Variants in LAMA2 observed in about 807,000 individuals in gnomAD.
LAMA2 encodes laminin subunit alpha 2.
LAMA2 carries 269 observed loss-of-function variants against 364.8 expected under a neutral mutation model. That is an observed-to-expected ratio of 0.74 (90% confidence interval 0.67 to 0.82). The LOEUF (loss-of-function observed/expected upper bound fraction) is 0.82, where lower values mean the gene tolerates loss of function less well. Among genes scored for constraint, LAMA2 ranks in the 40% least tolerant of loss-of-function variants. The pLI is 0.00. For synonymous variants in LAMA2, 1,379 were observed against 1,370.6 expected, an observed-to-expected ratio of 1.01 and a Z score of -0.14; for missense variants, 3,807 against 3,873.2, an observed-to-expected ratio of 0.98 and a Z score of 0.45.
chr6:129,164,938 GC>G (rs1355737841), intron 8 of LAMA2, among the ~76,000 whole-genome samples: 2 of 152,102 alleles, frequency 1.3e-5, no homozygotes, highest in African/African-American at 4.8e-5. Flanking sequence ...TATAAAATAT[GC>G]CTTACCTATT....
chr6:128,946,452 C>T (rs2114556211), intron 1 of LAMA2, among the ~76,000 whole-genome samples: 1 of 152,284 alleles, frequency 6.6e-6, no homozygotes, highest in African/African-American at 2.4e-5. Context: ...CCCAGCATCA[C>T]AGAGAGAAAT....
chr6:129,014,806 A>G (rs1784975624), intron 1 of LAMA2, among the ~76,000 whole-genome samples: 2 of 152,146 alleles, frequency 1.3e-5, no homozygotes, highest in South Asian at 4.1e-4. Context: ...TGAACCTATC[A>G]TCTTTAAAAC....
chr6:129,161,795 C>T (rs779094494), intron 8 of LAMA2, among the ~76,000 whole-genome samples: 7 of 152,122 alleles, frequency 4.6e-5, no homozygotes, highest in Non-Finnish European at 1.0e-4. Flanking sequence ...GGATAATGGC[C>T]TTCTGCTCCA....
In LAMA2 at chr6:128,971,283, A is replaced by G. The variant is rs117265411; in HGVS notation, c.113-78635A>G. ...TTTTAGCAAGTAATGAACGTTCTTA[A>G]GTGCCTAGTGTTGTCATAGGTATAA... On this transcript the variant is annotated intron_variant, in intron 1 of 64. Transcript: ENST00000421865. 5.3e-4 allele frequency among the ~76,000 whole-genome samples: 81 copies of G among 152,356 alleles called. No individual in the cohort carries two copies. The East Asian group carries it at 0.012, about 23-fold the overall frequency.
In LAMA2 at chr6:129,143,976, CG is replaced by C; in HGVS notation, c.716del (p.Arg239ProfsTer5). The C allele has an allele frequency of 6.2e-7, 1 of 1,612,160 alleles. No individual in the cohort carries two copies. Among genetic ancestry groups the C allele is most frequent in the South Asian group, 1.1e-5 (1 of 91,036 alleles). ...AGAACTGCTAGAATTTACCTCCGCT[CG>C]CTATATTCGCCTGAGATTTCAGAGG... ...SPELLEFTSA[R>X]YIRLRFQRIR... On this transcript the variant is annotated frameshift_variant, in exon 5 of 65. Coordinates refer to ENST00000421865, the MANE Select transcript of LAMA2 (RefSeq NM_000426.4). LOFTEE classifies it high-confidence loss of function.
chr6:129,397,760 A>T (rs1779733132), intron 37 of LAMA2, among the ~76,000 whole-genome samples: 1 of 151,580 alleles, frequency 6.6e-6, no homozygotes, highest in Non-Finnish European at 1.5e-5. Flanking sequence ...CTGAAAATGA[A>T]AATTAAAAAA....
At chr6:129,266,743 C>A (rs571205562) in intron 15 of LAMA2, among the ~76,000 whole-genome samples, 1 of 152,216 alleles carries the variant, frequency 6.6e-6, no homozygotes, top group South Asian at 2.1e-4. Flanking sequence ...TATGATGAGT[C>A]CTTTTATATC....
At chr6:129,262,408 G>T (rs1787196491) in intron 15 of LAMA2, among the ~76,000 whole-genome samples, 2 of 151,994 alleles carry the variant, frequency 1.3e-5, no homozygotes, top group African/African-American at 4.8e-5. Context: ...AGTGGAGAGA[G>T]ATGCAAAGTG....
intron 1 of LAMA2, among the ~76,000 whole-genome samples, chr6:129,046,972 G>A (rs1787559349): frequency 6.6e-6 from 1 of 152,074 alleles, no homozygotes; most frequent in South Asian, 2.1e-4. Flanking sequence ...TTTGATGAAG[G>A]AATAGTTGTA....
intron 40 of LAMA2, among the ~76,000 whole-genome samples, chr6:129,418,583 G>C (rs374248889): frequency 6.6e-6 from 1 of 152,152 alleles, no homozygotes; most frequent in South Asian, 2.1e-4. Flanking sequence ...ATCAGTGAAC[G>C]TGATGTCATA....
At chr6:129,118,929 A>T (rs1776636971) in intron 4 of LAMA2, among the ~76,000 whole-genome samples, 1 of 152,238 alleles carries the variant, frequency 6.6e-6, no homozygotes, top group Admixed American at 6.5e-5. Context: ...GGAAAATAGC[A>T]GTATAGCATA....
intron 15 of LAMA2, among the ~76,000 whole-genome samples, chr6:129,264,638 A>T (rs1787374407): frequency 6.6e-6 from 1 of 152,170 alleles, no homozygotes; most frequent in African/African-American, 2.4e-5. Flanking sequence ...CCTGACGTTA[A>T]GAAGCAGGGT....
intron 1 of LAMA2, among the ~76,000 whole-genome samples, chr6:129,011,165 C>T (rs1784747854): frequency 6.6e-6 from 1 of 152,116 alleles, no homozygotes; most frequent in East Asian, 1.9e-4. Context: ...ATATGTCACC[C>T]TGCTCATTTC....
chr6:129,109,905 T>G (rs1359936245), intron 4 of LAMA2, among the ~76,000 whole-genome samples: 4 of 152,062 alleles, frequency 2.6e-5, no homozygotes, highest in African/African-American at 9.7e-5. Flanking sequence ...CAGCCCTCTA[T>G]CCCATTCAAT....
In LAMA2 at chr6:129,312,753, T is replaced by C. The variant is rs111690750; in HGVS notation, c.3175-108T>C. The C allele has an allele frequency of 6.7e-5, 53 of 793,896 alleles. 1 individual carries two copies. Among genetic ancestry groups the C allele is most frequent in the African/African-American group, 5.8e-4 (34 of 58,698 alleles). The allele number at this position is 793,896 out of a possible 1,614,324, so 49.2% of individuals were successfully genotyped here. A position where few individuals can be genotyped will look rare whatever the true frequency, so the allele number is the denominator to read the frequency against. ...AGAATAGTACAAAGCCTATAACAGATACATGATTAATATGTGTTTAATGGA... is the reference window on the plus strand; with the variant it reads ...AGAATAGTACAAAGCCTATAACAGACACATGATTAATATGTGTTTAATGGA... On this transcript the variant is annotated intron_variant, in intron 22 of 64. Transcript: ENST00000421865.
chr6:129,230,769 G>T (rs891468878), intron 12 of LAMA2, among the ~76,000 whole-genome samples: 1 of 152,066 alleles, frequency 6.6e-6, no homozygotes, highest in Admixed American at 6.6e-5. Flanking sequence ...ATAGAGGTTA[G>T]ATTTAACTGA....
At chr6:128,905,590 CT>C (rs1777393213) in intron 1 of LAMA2, 1 of 151,396 alleles carries the variant, frequency 6.6e-6, no homozygotes, top group African/African-American at 2.4e-5. Flanking sequence ...GGTATAATTT[CT>C]TTTTTGTTTG....
At chr6:129,420,788 G>A (rs1358454746) in intron 40 of LAMA2, among the ~76,000 whole-genome samples, 3 of 152,070 alleles carry the variant, frequency 2.0e-5, no homozygotes, top group Non-Finnish European at 2.9e-5. Context: ...TGGGGTACAG[G>A]TTAGTCAGCC....
At chr6:129,231,503 T>C (rs886968172) in intron 12 of LAMA2, among the ~76,000 whole-genome samples, 2 of 152,134 alleles carry the variant, frequency 1.3e-5, no homozygotes, top group African/African-American at 4.8e-5. Context: ...GTAAACAGTA[T>C]AAAAATGTGT....
Sources: gnomAD v4.1 joint callset for allele counts (sites outside exome capture counted in the v4.1 genomes callset) on GRCh38, gnomAD v4.1.1 for gene constraint, MANE v1.5 for transcripts, NCBI Gene and HGNC (gene_info 2026-07-23, HGNC 2026-07-21) for gene names.